The following DCC variants were observed in gnomAD, a reference collection of about 807,000 sequenced individuals.
DCC encodes the protein DCC netrin 1 receptor.
DCC carries 58 observed loss-of-function variants against 172.5 expected under a neutral mutation model. The observed-to-expected ratio is 0.34, with a 90% CI of 0.27 to 0.42. DCC has a LOEUF of 0.42. Ranked by LOEUF, DCC falls within the 10% of genes least tolerant of loss-of-function variation. The probability of loss-of-function intolerance (pLI) is 1.00; values close to 1 mark genes in which losing one functional copy is unlikely to be tolerated. For synonymous variants in DCC, 709 were observed against 644.5 expected, an observed-to-expected ratio of 1.10 and a Z score of -1.52; for missense variants, 1,740 against 1,791.0, an observed-to-expected ratio of 0.97 and a Z score of 0.51.
At chr18:52,572,777 C>A (rs758981825) in intron 1 of DCC, among the ~76,000 whole-genome samples, 1 of 152,110 alleles carries the variant, frequency 6.6e-6, no homozygotes, top group East Asian at 1.9e-4. Context: ...ATATAAAGTG[C>A]GGGGAGGGAG....
At chr18:52,882,442 G>A (rs1459275920) in intron 2 of DCC, among the ~76,000 whole-genome samples, 1 of 151,584 alleles carries the variant, frequency 6.6e-6, no homozygotes, top group Non-Finnish European at 1.5e-5. Context: ...TTCCCTCTTG[G>A]TGGTGCTTTT....
At chr18:53,082,721 C>A (rs545031921) in intron 7 of DCC, among the ~76,000 whole-genome samples, 1 of 152,024 alleles carries the variant, frequency 6.6e-6, no homozygotes, top group South Asian at 2.1e-4. Context: ...ATAGTTTCCA[C>A]GTGGTATGTA....
chr18:52,364,219 T>C (rs1984744597), intron 1 of DCC, among the ~76,000 whole-genome samples: 1 of 152,226 alleles, frequency 6.6e-6, no homozygotes, highest in Admixed American at 6.5e-5. Flanking sequence ...GAAATGTTCA[T>C]AGAATAAATT....
intron 2 of DCC, among the ~76,000 whole-genome samples, chr18:52,905,785 T>C (rs1264537604): frequency 3.3e-5 from 5 of 152,192 alleles, no homozygotes; most frequent in African/African-American, 1.2e-4. Context: ...CTACTTTGTT[T>C]ATTTTACAGG....
chr18:52,427,847 C>CTTTCTTT (rs1555681286), intron 1 of DCC, among the ~76,000 whole-genome samples: 4 of 115,738 alleles, frequency 3.5e-5, no homozygotes, highest in East Asian at 5.2e-4. Flanking sequence ...TTCCTTCCTT[C>CTTTCTTT]CTTCCTTCCT....
intron 12 of DCC, among the ~76,000 whole-genome samples, chr18:53,274,279 T>C (rs748713388): frequency 6.6e-6 from 1 of 152,156 alleles, no homozygotes; most frequent in Non-Finnish European, 1.5e-5. Flanking sequence ...ATATCAATCA[T>C]GTTTCATGTG....
At chr18:53,010,442 C>T (rs2041711077) in intron 5 of DCC, among the ~76,000 whole-genome samples, 1 of 151,594 alleles carries the variant, frequency 6.6e-6, no homozygotes, top group Admixed American at 6.6e-5. Flanking sequence ...AGCCAGACTT[C>T]TTTGTCGAAT....
chr18:53,387,349 T>G (rs1908235731), intron 16 of DCC, among the ~76,000 whole-genome samples: 1 of 152,198 alleles, frequency 6.6e-6, no homozygotes, highest in South Asian at 2.1e-4. Flanking sequence ...TAAGGCAAAG[T>G]TGCTATTGTA....
intron 1 of DCC, among the ~76,000 whole-genome samples, chr18:52,599,139 A>G (rs985152404): frequency 3.9e-5 from 6 of 152,154 alleles, no homozygotes; most frequent in African/African-American, 1.4e-4. Flanking sequence ...GCATTAGAGG[A>G]GAGAAATACT....
intron 1 of DCC, among the ~76,000 whole-genome samples, chr18:52,714,095 T>C (rs2036339671): frequency 6.6e-6 from 1 of 152,178 alleles, no homozygotes; most frequent in Admixed American, 6.6e-5. Flanking sequence ...GCAACAGCCC[T>C]ATATGACAAA....
At chr18:53,314,564 G>A (rs953167223) in intron 13 of DCC, among the ~76,000 whole-genome samples, 1 of 152,124 alleles carries the variant, frequency 6.6e-6, no homozygotes, top group Non-Finnish European at 1.5e-5. Context: ...TATTTACAGG[G>A]ACACTTTGTT....
chr18:52,353,770 A>G (rs1984236752), intron 1 of DCC, among the ~76,000 whole-genome samples: 1 of 152,152 alleles, frequency 6.6e-6, no homozygotes, highest in Non-Finnish European at 1.5e-5. Flanking sequence ...CGCAGATTGG[A>G]TCAATCTGAA....
At chr18:53,023,901 C>T (rs1053763348) in intron 5 of DCC, among the ~76,000 whole-genome samples, 1 of 151,974 alleles carries the variant, frequency 6.6e-6, no homozygotes, top group African/African-American at 2.4e-5. Flanking sequence ...TCCACTTGAT[C>T]GTCTAGTTAG....
intron 1 of DCC, among the ~76,000 whole-genome samples, chr18:52,584,296 A>G (rs1272175259): frequency 6.6e-6 from 1 of 152,250 alleles, no homozygotes; most frequent in Non-Finnish European, 1.5e-5. Flanking sequence ...TTGTCAGCAC[A>G]TCAGCCTATC....
chr18:52,933,730 C>A (rs1010079460), intron 5 of DCC, among the ~76,000 whole-genome samples: 10 of 151,946 alleles, frequency 6.6e-5, no homozygotes, highest in African/African-American at 2.4e-4. Context: ...TCATTATTTT[C>A]TTCATATTTG....
At chr18:52,901,895 T>C (rs1395766765) in intron 2 of DCC, among the ~76,000 whole-genome samples, 1 of 152,228 alleles carries the variant, frequency 6.6e-6, no homozygotes, top group East Asian at 1.9e-4. Flanking sequence ...TTCAAGCTTT[T>C]ATTTATACAC....
chr18:53,271,667 C>A (rs2056750911), intron 12 of DCC, among the ~76,000 whole-genome samples: 1 of 152,104 alleles, frequency 6.6e-6, no homozygotes. Flanking sequence ...GAAACTCAAG[C>A]CGGAAGCTAT....
intron 1 of DCC, among the ~76,000 whole-genome samples, chr18:52,634,681 G>A (rs977710579): frequency 3.9e-5 from 6 of 152,106 alleles, no homozygotes; most frequent in Non-Finnish European, 8.8e-5. Context: ...TTATTTAACA[G>A]TATAACTTAG....
chr18:53,083,250 T>C (rs1016066919), intron 7 of DCC, among the ~76,000 whole-genome samples: 2 of 152,138 alleles, frequency 1.3e-5, no homozygotes, highest in African/African-American at 4.8e-5. Context: ...GAGATATACA[T>C]AGAAGATTCT....
Sources: allele counts gnomAD v4.1 joint callset (sites outside exome capture counted in the v4.1 genomes callset), GRCh38; gene constraint gnomAD v4.1.1; transcripts MANE v1.5; gene names NCBI Gene and HGNC (gene_info 2026-07-23, HGNC 2026-07-21).